Variants in GP6 observed in about 807,000 individuals in gnomAD.
The protein encoded by GP6 is glycoprotein VI platelet.
GP6 carries 45 observed loss-of-function variants against 37.3 expected under a neutral mutation model. The ratio of observed to expected loss-of-function variants is 1.21; its 90% confidence interval spans 0.95 to 1.55. The LOEUF is 1.55. Among genes scored for constraint, GP6 ranks in the 40% most tolerant of loss-of-function variants. The pLI, the probability that GP6 is intolerant of heterozygous loss-of-function variation, is 0.00. For missense variants in GP6, 813 were observed against 760.2 expected, an observed-to-expected ratio of 1.07 and a Z score of -0.82; for synonymous variants, 340 against 316.4, an observed-to-expected ratio of 1.07 and a Z score of -0.79.
intron 5 of GP6, among the ~76,000 whole-genome samples, chr19:55,022,192 C>A (rs182924188): frequency 6.6e-6 from 1 of 152,136 alleles, no homozygotes; most frequent in Admixed American, 6.6e-5. Context: ...GTTACAATTG[C>A]TTTTGACGTT....
Position 55,014,958 on chromosome 19 carries a change from C to G in GP6, c.987G>C (p.Arg329Ser). 1 of 1,613,678 alleles carries G rather than the reference C, an allele frequency of 6.2e-7. No individual in the cohort carries two copies. The highest frequency in any genetic ancestry group is 8.5e-7 in the Non-Finnish European group (1 of 1,179,948). Residue 329 changes from arginine (R) to serine (S), a missense_variant, in exon 8 of 8, where the codon AGG (arginine) becomes AGC (serine). Arg to Ser is a moderately radical substitution (Grantham distance 110, BLOSUM62 -1). Transcript: ENST00000310373. ...CCCGCGGCTGTGAACATCCTGTCGG[C>G]CTCCATCCTGACCCCCGTTTGATTT...
At chr19:55,024,289 T>TGCACACACACGCACGCACACACAC in intron 5 of GP6, among the ~76,000 whole-genome samples, 13 of 102,004 alleles carry the variant, frequency 1.3e-4, no homozygotes, top group Admixed American at 3.1e-4. Context: ...CACACACACA[T>TGCACACACACGCACGCACACACAC]ATGCACGCAT....
At chr19:55,027,960 T>A in intron 3 of GP6, 98 bp from the exon 4 acceptor site, 1 of 1,222,650 alleles carries the variant, frequency 8.2e-7, no homozygotes, top group Non-Finnish European at 1.2e-6. Flanking sequence ...GGGAGCTTTT[T>A]GGCTGTATCC....
At chr19:55,034,671 CA>C (rs1188910896) in intron 1 of GP6, among the ~76,000 whole-genome samples, 1 of 151,658 alleles carries the variant, frequency 6.6e-6, no homozygotes, top group Non-Finnish European at 1.5e-5. Context: ...TCTGAAATTC[CA>C]ATTTAACCAG....
intron 6 of GP6, 27 bp from the exon 7 acceptor site, chr19:55,015,760 GA>G: frequency 1.5e-6 from 2 of 1,295,742 alleles, no homozygotes; most frequent in Non-Finnish European, 1.1e-6. Flanking sequence ...GGCTAAGTGT[GA>G]AATGAAACCA....
At chr19:55,028,099 G>T (rs1296525761) in intron 3 of GP6, among the ~76,000 whole-genome samples, 1 of 152,230 alleles carries the variant, frequency 6.6e-6, no homozygotes, top group East Asian at 1.9e-4. Context: ...GGGGCCTGGT[G>T]GCCCTGGAGA....
In GP6 at chr19:55,014,707, C is replaced by T; in HGVS notation, c.1238G>A (p.Trp413Ter). The T allele has an allele frequency of 6.2e-7, 1 of 1,613,912 alleles. No individual in the cohort carries two copies. Among genetic ancestry groups the T allele is most frequent in the African/African-American group, 1.3e-5 (1 of 74,976 alleles). The change falls in exon 8 of 8, where the codon TGG (tryptophan) becomes TAG (stop). Residue 413 changes from tryptophan (W) to a stop codon, truncating the protein, a stop_gained. Transcript: ENST00000310373. LOFTEE classifies it low-confidence loss of function (END_TRUNC). The stretch of plus-strand genomic sequence containing the variant: ...GGGTCTCCACAGATTCCTTCCATCC[C>T]AAATGGAGGGTGCCCTCAGACAGAG...
intron 5 of GP6, among the ~76,000 whole-genome samples, chr19:55,022,333 G>A (rs2074116685): frequency 6.6e-6 from 1 of 152,150 alleles, no homozygotes; most frequent in African/African-American, 2.4e-5. Flanking sequence ...TGTACAAGGT[G>A]TAAGGAACGG....
rs1471253030 is a variant in GP6 at position 55,032,686 on chromosome 19, G to T, written c.35-148C>A. On this transcript the variant is annotated intron_variant, in intron 1 of 7. Coordinates refer to ENST00000310373, the MANE Select transcript of GP6 (RefSeq NM_001083899.2). ...AGACACACAGGAATGTAATTTAAGT[G>T]AGAGAAACCGGTCAGAAAAAGCCAC... 4 of 878,206 alleles carry T rather than the reference G, an allele frequency of 4.6e-6. No homozygotes were observed. In the East Asian group the frequency reaches 1.1e-4, roughly 23 times the overall value. 54.4% of individuals were successfully genotyped at this position (878,206 alleles called of 1,614,324 possible).
At chr19:55,019,687 T>C (rs2074006573) in intron 5 of GP6, among the ~76,000 whole-genome samples, 1 of 148,964 alleles carries the variant, frequency 6.7e-6, no homozygotes, top group African/African-American at 2.5e-5. Flanking sequence ...TCTTTTTTTT[T>C]TTTTTTTTGA....
Position 55,014,818 on chromosome 19 carries a change from A to T in GP6, c.1127T>A (p.Leu376Gln), listed in dbSNP as rs1415645881. Residue 376 changes from leucine to glutamine, a missense_variant, in exon 8 of 8, where the codon CTA (leucine) becomes CAA (glutamine). Leu to Gln is a moderately radical substitution (Grantham distance 113). Transcript: ENST00000310373. ...AGCATGGCCTCGTTTCCACAGCTGT[A>T]GCCTCTGCCCTCCTGCTTCCACGCT... 8 of 1,614,016 alleles carry T rather than the reference A, an allele frequency of 5.0e-6. No individual in the cohort carries two copies. The highest frequency in any genetic ancestry group is 5.9e-6 in the Non-Finnish European group (7 of 1,179,966).
intron 5 of GP6, among the ~76,000 whole-genome samples, chr19:55,024,360 A>ATGCACACACACG (rs796633674): frequency 3.1e-5 from 4 of 130,572 alleles, no homozygotes; most frequent in Non-Finnish European, 5.2e-5. Flanking sequence ...ACGCACACAC[A>ATGCACACACACG]CATATGCACG....
intron 5 of GP6, among the ~76,000 whole-genome samples, chr19:55,024,101 C>T (rs2074180952): frequency 6.6e-6 from 1 of 152,144 alleles, no homozygotes; most frequent in Admixed American, 6.6e-5. Context: ...ATGTCAAATT[C>T]CTGGTTTTTA....
In GP6 at chr19:55,015,710, T is replaced by C. The variant is rs202044825; in HGVS notation, c.748A>G (p.Ser250Gly). 2.5e-6 allele frequency: 4 copies of C among 1,583,642 alleles called. No homozygotes were observed. Among genetic ancestry groups the C allele is most frequent in the Non-Finnish European group, 3.5e-6 (4 of 1,151,974 alleles). Reference sequence around the variant, plus strand: ...GCTGGAGAGTCTGACTCCTTTGGACTGGCGGTGATACTCCTAGAAGTCTCT... The same window carrying C: ...GCTGGAGAGTCTGACTCCTTTGGACCGGCGGTGATACTCCTAGAAGTCTCT... The change falls in exon 7 of 8, where the codon AGT (serine) becomes GGT (glycine). Residue 250 changes from serine (S) to glycine (G), a missense_variant. By Grantham distance (56) the Ser-to-Gly change is moderately conservative. Transcript: ENST00000310373.
chr19:55,035,447 C>T lies in GP6; in HGVS notation c.34+2756G>A, dbSNP rs113760834. On this transcript the variant is annotated intron_variant, in intron 1 of 7. Coordinates refer to ENST00000310373, the MANE Select transcript of GP6 (RefSeq NM_001083899.2). Reference sequence around the variant, plus strand: ...TTTAAATGTTCTCACCGGCCGGGCGCGCTGGCTCACACCTGTAATCCCATT... The same window carrying T: ...TTTAAATGTTCTCACCGGCCGGGCGTGCTGGCTCACACCTGTAATCCCATT... Among the ~76,000 whole-genome samples, 280 of 152,322 alleles carry T rather than the reference C, an allele frequency of 1.8e-3. 2 individuals carry two copies. The highest frequency in any genetic ancestry group is 6.3e-3 in the African/African-American group (261 of 41,572).
chr19:55,024,292 G>GCACACACA, intron 5 of GP6, among the ~76,000 whole-genome samples: 1 of 83,216 alleles, frequency 1.2e-5, no homozygotes, highest in African/African-American at 4.0e-5. Context: ...ACACACATAT[G>GCACACACA]CACGCATGCA....
intron 5 of GP6, among the ~76,000 whole-genome samples, chr19:55,021,535 T>G (rs1052143033): frequency 2.0e-5 from 3 of 147,192 alleles, no homozygotes; most frequent in African/African-American, 7.4e-5. Context: ...TTTTTTTTTT[T>G]TTTGAGATGG....
chr19:55,018,880 C>G, intron 5 of GP6, 169 bp from the exon 6 acceptor site: 1 of 683,786 alleles, frequency 1.5e-6, no homozygotes, highest in Non-Finnish European at 2.7e-6. Context: ...CTTCCATGAC[C>G]GGCTTAGTAA....
rs35960763 is a variant in GP6 at position 55,016,375 on chromosome 19, CTT to C, written c.725-644_725-643del. On this transcript the variant is annotated intron_variant, in intron 6 of 7. Coordinates refer to ENST00000310373, the MANE Select transcript of GP6 (RefSeq NM_001083899.2). ...CATATGAGCACCTCATACGTGCCAG[CTT>C]TTTTTTTTTTTTTTTTGAGACAGAG... is the stretch of plus-strand genomic sequence containing the variant. Among the ~76,000 whole-genome samples, 992 of 108,720 alleles carry C rather than the reference CTT, an allele frequency of 9.1e-3. 9 individuals carry two copies. Among genetic ancestry groups the C allele is most frequent in the African/African-American group, 0.033 (870 of 26,766 alleles). The allele number at this position is 108,720 out of a possible 152,430, so 71.3% of individuals were successfully genotyped here.
Sources: gnomAD v4.1 joint callset for allele counts (sites outside exome capture counted in the v4.1 genomes callset) on GRCh38, gnomAD v4.1.1 for gene constraint, MANE v1.5 for transcripts, NCBI Gene and HGNC (gene_info 2026-07-23, HGNC 2026-07-21) for gene names.